The following SLITRK3 variants were observed in gnomAD, a reference collection of about 807,000 sequenced individuals.
SLITRK3 encodes the protein SLIT and NTRK like family member 3.
SLITRK3 carries 16 observed loss-of-function variants against 63.6 expected under a neutral mutation model. The ratio of observed to expected loss-of-function variants is 0.25; its 90% CI spans 0.17 to 0.38. The LOEUF (loss-of-function observed/expected upper bound fraction) is 0.38, where lower values mean the gene tolerates loss of function less well. Ranked by LOEUF, SLITRK3 falls within the 10% of genes least tolerant of loss-of-function variation. The pLI, the probability that SLITRK3 is intolerant of heterozygous loss-of-function variation, is 1.00. For missense variants in SLITRK3, 1,117 were observed against 1,181.4 expected, an observed-to-expected ratio of 0.95 and a Z score of 0.80; for synonymous variants, 547 against 451.6, an observed-to-expected ratio of 1.21 and a Z score of -2.68.
In SLITRK3 at chr3:165,190,914, C is replaced by G. The variant is rs558529854; in HGVS notation, c.-21-63G>C. ...GTCATATGTACTATTTTAATTGACT[C>G]CTACATGTGGGGCATTTTAAGAGCT... On this transcript the variant is annotated intron_variant, in intron 1 of 1. Transcript: ENST00000475390. 2.6e-5 allele frequency: 31 copies of G among 1,197,946 alleles called. No homozygotes were observed. The South Asian group carries it at 5.0e-4, about 19-fold the overall frequency. 74.2% of individuals were successfully genotyped at this position (1,197,946 alleles called of 1,614,324 possible). A position where few individuals can be genotyped will look rare whatever the true frequency, so the allele number is the denominator to read the frequency against.
rs546009724 is a variant in SLITRK3, at chr3:165,193,040, A to G, written c.-21-2189T>C. 2.6e-5 allele frequency among the ~76,000 whole-genome samples: 4 copies of G among 152,182 alleles called. No homozygotes were observed. The South Asian group carries it at 8.3e-4, about 32-fold the overall frequency. Reference sequence around the variant, plus strand: ...ATTCCACGTCATGAAAATGAGCTCCAAAGGGAACGCGCTTAGCATGGGTTC... The same window carrying G: ...ATTCCACGTCATGAAAATGAGCTCCGAAGGGAACGCGCTTAGCATGGGTTC... On this transcript the variant is annotated intron_variant, in intron 1 of 1. Transcript: ENST00000475390.
Position 165,189,359 on chromosome 3 carries a change from A to G in SLITRK3, c.1472T>C (p.Val491Ala). ...SLHYLYFEFN[V>A]IREIQPAAFS... ...GGCTGCAGGCTGGATTTCCCGGATG[A>G]CATTGAACTCAAAGTACAAGTAGTG... is the stretch of plus-strand genomic sequence containing the variant. The change falls in exon 2 of 2, where the codon GTC becomes GCC. Residue 491 changes from valine to alanine, a missense_variant. This residue lies in a region of SLITRK3 where 158 missense variants were observed against 197.2 expected (regional missense o/e 0.80). Transcript: ENST00000475390. The surrounding 1 kb of genome is among the most constrained non-coding windows in gnomAD (Gnocchi z 4.0). 1.2e-6 allele frequency: 2 copies of G among 1,614,172 alleles called. No individual in the cohort carries two copies. The highest frequency in any genetic ancestry group is 1.7e-6 in the Non-Finnish European group (2 of 1,180,034).
At position 165,189,015 on chromosome 3, in the gene SLITRK3, C is replaced by T. The variant is rs756582449; in HGVS notation, c.1816G>A (p.Glu606Lys). 4 of 1,614,140 alleles carry T rather than the reference C, an allele frequency of 2.5e-6. No individual in the cohort carries two copies. In the South Asian group the frequency reaches 4.4e-5, roughly 18 times the overall value. Reference sequence around the variant, plus strand: ...ATCTCTGGGCAAAGAACTTCCAGCTCAATAGTGCGCACATCACGGTGCGTG... The same window carrying T: ...ATCTCTGGGCAAAGAACTTCCAGCTTAATAGTGCGCACATCACGGTGCGTG... ...NLTHRDVRTI[E>K]LEVLCPEMLH... The change falls in exon 2 of 2, where the codon GAG becomes AAG. Residue 606 changes from glutamate to lysine, a missense_variant. Physicochemically the swap from Glu to Lys is moderately conservative, Grantham distance 56. Transcript: ENST00000475390. The surrounding 1 kb of genome is among the most constrained non-coding windows in gnomAD (Gnocchi z 4.0).
chr3:165,187,938 C>A lies in SLITRK3; in HGVS notation c.2893G>T (p.Asp965Tyr), dbSNP rs754587313. The change falls in exon 2 of 2, where the codon GAT becomes TAT. Residue 965 changes from aspartate (D) to tyrosine (Y), a missense_variant. By Grantham distance (160) the Asp-to-Tyr change is radical. Coordinates refer to ENST00000475390, the MANE Select transcript of SLITRK3 (RefSeq NM_001318810.2). ...ELRAKLQTKPDYLEVLEKTTY... is the reference protein window; with the variant it reads ...ELRAKLQTKPYYLEVLEKTTY... ...GTCTTCTCCAGGACTTCGAGGTAAT[C>A]CGGCTTGGTTTGAAGTTTGGCCCTT... 21 of 1,613,426 alleles carry A rather than the reference C, an allele frequency of 1.3e-5. No homozygotes were observed. Among genetic ancestry groups the A allele is most frequent in the Non-Finnish European group, 1.8e-5 (21 of 1,179,918 alleles).
chr3:165,189,042 G>A lies in SLITRK3; in HGVS notation c.1789C>T (p.Leu597Phe). 4 of 1,614,188 alleles carry A rather than the reference G, an allele frequency of 2.5e-6. No individual in the cohort carries two copies. The highest frequency in any genetic ancestry group is 3.4e-6 in the Non-Finnish European group (4 of 1,180,042). ...ATAGTGCGCACATCACGGTGCGTGA[G>A]GTTCTCAGGGCTCCTGCAAAGCACA... ...GDVLCRSPEN[L>F]THRDVRTIEL... The change falls in exon 2 of 2, where the codon CTC (leucine) becomes TTC (phenylalanine). Residue 597 changes from leucine (L) to phenylalanine (F), a missense_variant. Coordinates refer to ENST00000475390, the MANE Select transcript of SLITRK3 (RefSeq NM_001318810.2). This position sits in a 1 kb window ranked among gnomAD's most constrained non-coding sequence, Gnocchi z 4.0.
Position 165,190,081 on chromosome 3 carries a change from A to C in SLITRK3, c.750T>G (p.Ile250Met). ...TGTCTCCCACCAGGGCAGTATAAGG[A>C]ATGCGTTCCAGCCAACTCTTCAGTT... Reference protein sequence around the residue: ...IVQLKSWLERIPYTALVGDIT... With the variant: ...IVQLKSWLERMPYTALVGDIT... Residue 250 changes from isoleucine to methionine, a missense_variant, in exon 2 of 2, where the codon ATT becomes ATG. By Grantham distance (10) the Ile-to-Met change is conservative (BLOSUM62 1). Transcript: ENST00000475390. 1 of 1,614,140 alleles carries C rather than the reference A, an allele frequency of 6.2e-7. No individual in the cohort carries two copies. The highest frequency in any genetic ancestry group is 8.5e-7 in the Non-Finnish European group (1 of 1,180,018).
intron 1 of SLITRK3, among the ~76,000 whole-genome samples, chr3:165,192,510 T>A (rs1458288553): frequency 6.6e-6 from 1 of 151,534 alleles, no homozygotes; most frequent in Non-Finnish European, 1.5e-5. Flanking sequence ...TTTGCCAGAG[T>A]TTTTTTGGGT....
Position 165,188,196 on chromosome 3 carries a change from C to T in SLITRK3, c.2635G>A (p.Gly879Ser). 6.2e-7 allele frequency: 1 copy of T among 1,613,834 alleles called. No individual in the cohort carries two copies. Among genetic ancestry groups the T allele is most frequent in the Non-Finnish European group, 8.5e-7 (1 of 1,179,962 alleles). ...CGATCTAGTAGCATACTGCCACTAC[C>T]ACAGCCTCCCCCAGGAGGAAACAGC... ...VVLFPPGGGC[G>S]SGSMLLDRER... The change falls in exon 2 of 2, where the codon GGT becomes AGT. Residue 879 changes from glycine (G) to serine (S), a missense_variant. By Grantham distance (56) the Gly-to-Ser change is moderately conservative. Transcript: ENST00000475390.
intron 1 of SLITRK3, among the ~76,000 whole-genome samples, chr3:165,191,348 T>G (rs938688445): frequency 6.6e-6 from 1 of 152,316 alleles, no homozygotes; most frequent in East Asian, 1.9e-4. Context: ...TACTCCAAAA[T>G]TATTATATTG....
intron 1 of SLITRK3, among the ~76,000 whole-genome samples, chr3:165,191,850 C>A (rs1027396916): frequency 5.9e-5 from 9 of 152,170 alleles, no homozygotes; most frequent in Admixed American, 1.3e-4. Context: ...TTCTTACCTG[C>A]TGATAAATGA....
At chr3:165,192,819 G>A (rs1718282443) in intron 1 of SLITRK3, among the ~76,000 whole-genome samples, 1 of 152,108 alleles carries the variant, frequency 6.6e-6, no homozygotes, top group African/African-American at 2.4e-5. Flanking sequence ...GGCTGCAGCA[G>A]GCTTCCAGCT....
rs746450273 is a variant in SLITRK3, at chr3:165,189,439, A to G, written c.1392T>C (p.Asn464=). The G allele has an allele frequency of 6.2e-7, 1 of 1,613,276 alleles. No individual in the cohort carries two copies. The highest frequency in any genetic ancestry group is 8.5e-7 in the Non-Finnish European group (1 of 1,180,030). ...NLPNLKSLFL[N]GNDIEKLTPG... is the part of the protein sequence containing the mutation. ...GTGTCAGCTTCTCTATATCGTTGCCATTAAGGAAGAGGCTCTTTAAGTTGG... is the reference window on the plus strand; with the variant it reads ...GTGTCAGCTTCTCTATATCGTTGCCGTTAAGGAAGAGGCTCTTTAAGTTGG... Residue 464 remains asparagine (N), a synonymous_variant, in exon 2 of 2, where the codon AAT becomes AAC. Coordinates refer to ENST00000475390, the MANE Select transcript of SLITRK3 (RefSeq NM_001318810.2). The surrounding 1 kb of genome is among the most constrained non-coding windows in gnomAD (Gnocchi z 4.0).
chr3:165,193,040 A>C (rs546009724), intron 1 of SLITRK3, among the ~76,000 whole-genome samples: 15 of 152,182 alleles, frequency 9.9e-5, no homozygotes, highest in African/African-American at 2.9e-4. Flanking sequence ...AATGAGCTCC[A>C]AAGGGAACGC....
Position 165,188,088 on chromosome 3 carries a change from C to T in SLITRK3, c.2743G>A (p.Val915Met), listed in dbSNP as rs1718025972. ...GGGTATTGCATGCCAGGAGGGTGCACGTGCAGTTCCTTTAATTTGGGCACT... is the reference window on the plus strand; with the variant it reads ...GGGTATTGCATGCCAGGAGGGTGCATGTGCAGTTCCTTTAATTTGGGCACT... Reference protein sequence around the residue: ...GTVPKLKELHVHPPGMQYPDL... With the variant: ...GTVPKLKELHMHPPGMQYPDL... Residue 915 changes from valine to methionine, a missense_variant, in exon 2 of 2, where the codon GTG (valine) becomes ATG (methionine). Physicochemically the swap from Val to Met is conservative, Grantham distance 21. Transcript: ENST00000475390. The T allele has an allele frequency of 3.7e-6, 6 of 1,613,586 alleles. No individual in the cohort carries two copies. The highest frequency in any genetic ancestry group is 4.2e-6 in the Non-Finnish European group (5 of 1,179,936).
chr3:165,194,928 C>T (rs1012752815), intron 1 of SLITRK3, among the ~76,000 whole-genome samples: 2 of 152,054 alleles, frequency 1.3e-5, no homozygotes, highest in East Asian at 3.9e-4. Flanking sequence ...AGCCATGGGG[C>T]CCCAGTTTTT....
chr3:165,187,816 T>C lies in SLITRK3; in HGVS notation c.*81A>G, dbSNP rs1718009247. 1 of 1,207,848 alleles carries C rather than the reference T, an allele frequency of 8.3e-7. No individual in the cohort carries two copies. Among genetic ancestry groups the C allele is most frequent in the African/African-American group, 1.5e-5 (1 of 65,232 alleles). 74.8% of individuals were successfully genotyped at this position (1,207,848 alleles called of 1,614,324 possible). ...GAGGATGGAGTTACTGGGACAAGTG[T>C]AAAGGGAGCAAGGGATATATTTCTT... On this transcript the variant is annotated 3_prime_UTR_variant, in exon 2 of 2. Transcript: ENST00000475390.
chr3:165,195,880 G>C lies in SLITRK3; in HGVS notation c.-322C>G, dbSNP rs1204736399. On this transcript the variant is annotated 5_prime_UTR_variant, in exon 1 of 2. Transcript: ENST00000475390. Reference sequence around the variant, plus strand: ...ACCACAGCTCCCTATGCCCTCGATGGTTGGTAGGCAGGCAGGCAGAGTGAG... The same window carrying C: ...ACCACAGCTCCCTATGCCCTCGATGCTTGGTAGGCAGGCAGGCAGAGTGAG... 1.3e-5 allele frequency: 2 copies of C among 152,732 alleles called. No individual in the cohort carries two copies. Among genetic ancestry groups the C allele is most frequent in the African/African-American group, 4.8e-5 (2 of 41,460 alleles). 9.5% of individuals were successfully genotyped at this position (152,732 alleles called of 1,614,324 possible). A position where few individuals can be genotyped will look rare whatever the true frequency, so the allele number is the denominator to read the frequency against.
chr3:165,189,038 G>A lies in SLITRK3; in HGVS notation c.1793C>T (p.Thr598Met), dbSNP rs772285952. 6.9e-5 allele frequency: 112 copies of A among 1,614,062 alleles called. No individual in the cohort carries two copies. The highest frequency in any genetic ancestry group is 8.1e-5 in the Non-Finnish European group (96 of 1,180,052). Residue 598 changes from threonine to methionine, a missense_variant, in exon 2 of 2, where the codon ACG (threonine) becomes ATG (methionine). Thr to Met is a moderately conservative substitution (Grantham distance 81). Coordinates refer to ENST00000475390, the MANE Select transcript of SLITRK3 (RefSeq NM_001318810.2). The surrounding 1 kb of genome is among the most constrained non-coding windows in gnomAD (Gnocchi z 4.0). ...CTCAATAGTGCGCACATCACGGTGC[G>A]TGAGGTTCTCAGGGCTCCTGCAAAG... ...DVLCRSPENL[T>M]HRDVRTIELE...
rs910917491 is a variant in SLITRK3 at position 165,186,780 on chromosome 3, T to A, written c.*1117A>T. The A allele has an allele frequency of 6.6e-6, 1 of 152,602 alleles. No homozygotes were observed. The highest frequency in any genetic ancestry group is 1.5e-5 in the Non-Finnish European group (1 of 68,028). 9.5% of individuals were successfully genotyped at this position (152,602 alleles called of 1,614,324 possible). On this transcript the variant is annotated 3_prime_UTR_variant, in exon 2 of 2. Coordinates refer to ENST00000475390, the MANE Select transcript of SLITRK3 (RefSeq NM_001318810.2). ...TACCAGAGGCATAATCACTATACAA[T>A]GATTAAACATTACCTTTACAATTTA...
Sources: allele counts gnomAD v4.1 joint callset (sites outside exome capture counted in the v4.1 genomes callset), GRCh38; gene constraint gnomAD v4.1.1; regional missense constraint gnomAD v4.1.1; non-coding constraint Gnocchi (gnomAD v3.1); transcripts MANE v1.5; gene names NCBI Gene and HGNC (gene_info 2026-07-23, HGNC 2026-07-21).